Variants in CACNA2D3 observed in about 807,000 individuals in gnomAD.
CACNA2D3 encodes voltage-dependent calcium channel subunit alpha-2/delta-3.
In CACNA2D3, 60 loss-of-function variants were observed where a neutral mutation model predicts 160.6. That is an observed-to-expected ratio of 0.37 (90% CI 0.30 to 0.46). The LOEUF (loss-of-function observed/expected upper bound fraction) is 0.46. Among genes scored for constraint, CACNA2D3 ranks in the 20% least tolerant of loss-of-function variants. The probability of loss-of-function intolerance (pLI) is 1.00; values close to 1 mark genes in which losing one functional copy is unlikely to be tolerated. For synonymous variants in CACNA2D3, 558 were observed against 492.9 expected (o/e 1.13, Z -1.75); for missense variants, 1,205 against 1,365.0 (o/e 0.88, Z 1.85).
rs1700285559 is a variant in CACNA2D3, at chr3:54,899,835, C to T, written c.2416C>T (p.Leu806Phe). 1 of 1,607,456 alleles carries T rather than the reference C, an allele frequency of 6.2e-7. No individual in the cohort carries two copies. Among genetic ancestry groups the T allele is most frequent in the Non-Finnish European group, 8.5e-7 (1 of 1,176,784 alleles). The change falls in exon 27 of 38, where the codon CTC (leucine) becomes TTC (phenylalanine). Residue 806 changes from leucine to phenylalanine, a missense_variant. Around this residue, in one of 3 missense-constraint regions of CACNA2D3, gnomAD observed 911 missense variants for 1,002.2 expected, o/e 0.91. Coordinates refer to ENST00000474759, the MANE Select transcript of CACNA2D3 (RefSeq NM_018398.3). ...GGTGACAGCAAGTACATCCATCCAG[C>T]TCCTGGATGAACGGAAATCTCCTGT... Reference protein sequence around the residue: ...NVVTASTSIQLLDERKSPVVA... With the variant: ...NVVTASTSIQFLDERKSPVVA...
intron 14 of CACNA2D3, among the ~76,000 whole-genome samples, chr3:54,822,820 T>C (rs1207086214): frequency 1.8e-5 from 2 of 112,066 alleles, no homozygotes; most frequent in Non-Finnish European, 3.5e-5. Context: ...TCTTTCTTTC[T>C]TTCTTTCTTT....
chr3:54,987,603 A>T, intron 30 of CACNA2D3, 80 bp from the exon 31 acceptor site: 3 of 891,430 alleles, frequency 3.4e-6, no homozygotes, highest in Non-Finnish European at 5.2e-6. Flanking sequence ...CAGGACACAG[A>T]CTGTGTCCCT....
At chr3:54,954,791 T>C (rs1370275696) in intron 27 of CACNA2D3, among the ~76,000 whole-genome samples, 1 of 152,178 alleles carries the variant, frequency 6.6e-6, no homozygotes, top group East Asian at 1.9e-4. Flanking sequence ...AAGCATGGAA[T>C]GCTTTAGCTG....
chr3:54,650,449 C>T (rs1238702732), intron 11 of CACNA2D3, among the ~76,000 whole-genome samples: 6 of 152,132 alleles, frequency 3.9e-5, no homozygotes, highest in African/African-American at 9.7e-5. Context: ...CTGCAACCTC[C>T]GCCTCCTGGG....
intron 9 of CACNA2D3, among the ~76,000 whole-genome samples, chr3:54,625,296 T>A (rs926698173): frequency 1.3e-5 from 2 of 151,964 alleles, no homozygotes; most frequent in Non-Finnish European, 2.9e-5. Flanking sequence ...GAAAAAAAAA[T>A]ATTATTTTGC....
chr3:54,405,269 TAAA>T (rs34019072), intron 4 of CACNA2D3, among the ~76,000 whole-genome samples: 26,151 of 100,580 alleles, frequency 0.26, 2,460 homozygotes, highest in Admixed American at 0.36. Flanking sequence ...TACTACTCAG[TAAA>T]AAAAAAAAAA....
At chr3:54,820,843 A>G (rs1559594508) in intron 14 of CACNA2D3, among the ~76,000 whole-genome samples, 1 of 152,210 alleles carries the variant, frequency 6.6e-6, no homozygotes. Context: ...TTACAAATAT[A>G]TGTTCAATAG....
In CACNA2D3 at chr3:54,924,841, C is replaced by G. The variant is rs773976716; in HGVS notation, c.2449+24973C>G. 4 of 1,613,898 alleles carry G rather than the reference C, an allele frequency of 2.5e-6. 1 individual carries two copies. In the South Asian group the frequency reaches 4.4e-5, roughly 18 times the overall value. ...TGGCTTATGTTGTTTGATGACAAATCAAGCTCCCTCAGCTGAGGGAGGGAA... is the reference window on the plus strand; with the variant it reads ...TGGCTTATGTTGTTTGATGACAAATGAAGCTCCCTCAGCTGAGGGAGGGAA... On this transcript the variant is annotated intron_variant, in intron 27 of 37. Transcript: ENST00000474759.
intron 34 of CACNA2D3, among the ~76,000 whole-genome samples, chr3:55,013,964 G>A (rs1335003939): frequency 6.6e-6 from 1 of 152,114 alleles, no homozygotes; most frequent in Non-Finnish European, 1.5e-5. Context: ...ATTGTGAGTG[G>A]GTGATAGGTC....
chr3:54,469,657 C>T (rs563496249), intron 4 of CACNA2D3, among the ~76,000 whole-genome samples: 4 of 151,904 alleles, frequency 2.6e-5, no homozygotes, highest in East Asian at 1.9e-4. Flanking sequence ...TGTTCTAACC[C>T]GATACAAGGA....
intron 35 of CACNA2D3, among the ~76,000 whole-genome samples, chr3:55,051,442 T>G (rs1704211124): frequency 6.6e-6 from 1 of 152,134 alleles, no homozygotes; most frequent in Non-Finnish European, 1.5e-5. Context: ...GGGACCCACT[T>G]GAGGAGGCAG....
intron 11 of CACNA2D3, among the ~76,000 whole-genome samples, chr3:54,722,157 A>G (rs1018701311): frequency 2.0e-5 from 3 of 152,044 alleles, no homozygotes; most frequent in Non-Finnish European, 2.9e-5. Flanking sequence ...TATTTCATTA[A>G]GTTGGTTTTC....
rs1449936546 is a variant in CACNA2D3, at chr3:54,338,781, A to G, written c.321+18223A>G. On this transcript the variant is annotated intron_variant, in intron 3 of 37. Transcript: ENST00000474759. ...CTGAGCTTCCAGATCATCTGCTGTA[A>G]GATGAGAGCAGTGACTGCCCTGGCT... is the stretch of plus-strand genomic sequence containing the variant. Among the ~76,000 whole-genome samples, 8 of 152,146 alleles carry G rather than the reference A, an allele frequency of 5.3e-5. No individual in the cohort carries two copies. The South Asian group carries it at 6.2e-4, about 12-fold the overall frequency.
intron 13 of CACNA2D3, among the ~76,000 whole-genome samples, chr3:54,807,352 T>A (rs1161929142): frequency 1.3e-5 from 2 of 151,764 alleles, no homozygotes; most frequent in Non-Finnish European, 2.9e-5. Context: ...TCAAACAAAT[T>A]TACAAGAAAA....
At chr3:54,525,633 A>G (rs1701713294) in intron 5 of CACNA2D3, among the ~76,000 whole-genome samples, 1 of 152,074 alleles carries the variant, frequency 6.6e-6, no homozygotes, top group Non-Finnish European at 1.5e-5. Context: ...GACACTTTGA[A>G]TATATTATTT....
chr3:54,681,382 CA>C (rs565556596), intron 11 of CACNA2D3, among the ~76,000 whole-genome samples: 253 of 62,080 alleles, frequency 4.1e-3, no homozygotes, highest in African/African-American at 0.019. Context: ...ACTAAAAATA[CA>C]AAAAAAAAAA....
rs1017192867 is a variant in CACNA2D3, at chr3:54,248,009, T to A, written c.205-72433T>A. 2.0e-5 allele frequency among the ~76,000 whole-genome samples: 3 copies of A among 152,334 alleles called. No homozygotes were observed. In the East Asian group the frequency reaches 5.8e-4, roughly 29 times the overall value. On this transcript the variant is annotated intron_variant, in intron 2 of 37. Coordinates refer to ENST00000474759, the MANE Select transcript of CACNA2D3 (RefSeq NM_018398.3). ...TTCCTTATGTAACAATAGTTTTCCT[T>A]AACGGTGACTGTTACCCTGGATGAG...
chr3:55,041,413 T>A (rs906619022), intron 35 of CACNA2D3, among the ~76,000 whole-genome samples: 6 of 152,212 alleles, frequency 3.9e-5, no homozygotes, highest in Non-Finnish European at 8.8e-5. Flanking sequence ...TCTTTAGACT[T>A]GCCAGTGGGG....
chr3:54,399,971 C>G (rs1355336102), intron 4 of CACNA2D3, among the ~76,000 whole-genome samples: 3 of 118,560 alleles, frequency 2.5e-5, no homozygotes, highest in African/African-American at 9.9e-5. Context: ...GCGTAGGACC[C>G]TCTGAGCCAG....
Sources: gnomAD v4.1 joint callset for allele counts (sites outside exome capture counted in the v4.1 genomes callset) on GRCh38, gnomAD v4.1.1 for gene constraint, gnomAD v4.1.1 regional missense constraint, MANE v1.5 for transcripts, NCBI Gene and HGNC (gene_info 2026-07-23, HGNC 2026-07-21) for gene names.